LAMA1: variants seen among roughly 807,000 people sequenced by gnomAD.
LAMA1 encodes laminin subunit alpha 1, also known as laminin subunit alpha-1.
LAMA1 carries 219 observed loss-of-function variants against 348.7 expected under a neutral mutation model. That is an observed-to-expected ratio of 0.63 (90% CI 0.56 to 0.70). The LOEUF (loss-of-function observed/expected upper bound fraction) is 0.70, where lower values mean the gene tolerates loss of function less well. LAMA1 is among the 30% of genes least tolerant of loss of function. The pLI is 0.00. For missense variants in LAMA1, 3,744 were observed against 3,888.0 expected (o/e 0.96, Z 0.99); for synonymous variants, 1,487 against 1,491.0 (o/e 1.00, Z 0.06).
intron 9 of LAMA1, 42 bp from the exon 10 acceptor site, chr18:7,040,278 A>G (rs4798530): frequency 0.042 from 67,315 of 1,607,714 alleles, 2,308 homozygotes; most frequent in East Asian, 0.21. Context: ...TGAAGGCAAA[A>G]GAGGTTTAAA....
At chr18:7,097,757 G>A (rs2058268131) in intron 1 of LAMA1, among the ~76,000 whole-genome samples, 1 of 152,202 alleles carries the variant, frequency 6.6e-6, no homozygotes, top group South Asian at 2.1e-4. Context: ...GCAAAGGTGC[G>A]AAGGCAATTT....
At chr18:6,985,787 T>A in intron 37 of LAMA1, 144 bp from the exon 38 acceptor site, 2 of 667,282 alleles carry the variant, frequency 3.0e-6, no homozygotes, top group Non-Finnish European at 5.2e-6. Context: ...TGAGATGGAG[T>A]CTCATTCTGT....
Position 7,011,369 on chromosome 18 carries a change from G to A in LAMA1, c.3618C>T (p.Ala1206=). 2 of 1,611,972 alleles carry A rather than the reference G, an allele frequency of 1.2e-6. No individual in the cohort carries two copies. Among genetic ancestry groups the A allele is most frequent in the Non-Finnish European group, 8.5e-7 (1 of 1,179,308 alleles). Residue 1206 remains alanine (A), a synonymous_variant, in exon 25 of 63, where the codon GCC becomes GCT. Transcript: ENST00000389658. ...CTGCACGGATGTGCTGCCGGACGGTGGCGGCATCCAGCAGGAAGTCGGGGG... is the reference window on the plus strand; with the variant it reads ...CTGCACGGATGTGCTGCCGGACGGTAGCGGCATCCAGCAGGAAGTCGGGGG... ...YQAPDFLLDA[A]TVRQHIRAEP... is the part of the protein sequence containing the mutation.
intron 10 of LAMA1, among the ~76,000 whole-genome samples, chr18:7,039,861 T>C (rs1310532157): frequency 1.6e-4 from 24 of 152,140 alleles, no homozygotes; most frequent in Admixed American, 1.6e-3. Flanking sequence ...TATATCACCA[T>C]TACCAGAGGT....
chr18:6,973,625 A>AC (rs1410187211), intron 46 of LAMA1, among the ~76,000 whole-genome samples: 3 of 152,086 alleles, frequency 2.0e-5, no homozygotes, highest in Middle Eastern at 6.8e-3. Context: ...AAGAAAATGC[A>AC]CCCCCCACTT....
intron 40 of LAMA1, 89 bp from the exon 41 acceptor site, chr18:6,982,679 C>A (rs2057717503): frequency 9.5e-7 from 1 of 1,057,612 alleles, no homozygotes; most frequent in Non-Finnish European, 1.5e-6. Flanking sequence ...CAGAGTAGCC[C>A]CCAGACACAT....
intron 29 of LAMA1, among the ~76,000 whole-genome samples, chr18:7,005,636 C>T (rs950268372): frequency 1.3e-5 from 2 of 152,176 alleles, no homozygotes; most frequent in African/African-American, 4.8e-5. Context: ...GTAATCTCAG[C>T]TACTCAGGAG....
At chr18:6,949,785 A>T (rs563749908) in intron 58 of LAMA1, among the ~76,000 whole-genome samples, 2 of 152,336 alleles carry the variant, frequency 1.3e-5, no homozygotes, top group South Asian at 4.1e-4. Flanking sequence ...TTGCTCAGGG[A>T]CCAAAATCGC....
At chr18:6,946,802 AT>A (rs1241765842) in intron 61 of LAMA1, among the ~76,000 whole-genome samples, 1 of 152,180 alleles carries the variant, frequency 6.6e-6, no homozygotes, top group Non-Finnish European at 1.5e-5. Context: ...TGTACATTTC[AT>A]TGCAACTTCC....
intron 1 of LAMA1, among the ~76,000 whole-genome samples, chr18:7,086,740 C>T (rs1039050241): frequency 6.6e-6 from 1 of 152,170 alleles, no homozygotes; most frequent in Non-Finnish European, 1.5e-5. Context: ...ACCACACAGG[C>T]GCACGGGACC....
chr18:7,072,027 C>A (rs547712992), intron 3 of LAMA1, among the ~76,000 whole-genome samples: 5 of 152,278 alleles, frequency 3.3e-5, no homozygotes, highest in Middle Eastern at 3.4e-3. Context: ...GATCAATTAG[C>A]GATTGTTACA....
chr18:6,972,576 C>T (rs2057663049), intron 47 of LAMA1, among the ~76,000 whole-genome samples: 1 of 152,236 alleles, frequency 6.6e-6, no homozygotes, highest in South Asian at 2.1e-4. Flanking sequence ...TGAAGCATCA[C>T]CCTTTACTGT....
At chr18:6,974,562 T>C (rs545318907) in intron 46 of LAMA1, among the ~76,000 whole-genome samples, 5 of 150,738 alleles carry the variant, frequency 3.3e-5, no homozygotes, top group Admixed American at 3.3e-4. Context: ...GTTCAAGCAA[T>C]TCTCCTGCCT....
intron 1 of LAMA1, among the ~76,000 whole-genome samples, chr18:7,106,113 T>C (rs896817363): frequency 1.8e-4 from 27 of 152,024 alleles, no homozygotes; most frequent in African/African-American, 4.8e-5. Context: ...TATCAGAAAA[T>C]AGACATGAAA....
chr18:7,033,248 C>T (rs887648827), intron 14 of LAMA1, among the ~76,000 whole-genome samples, 153 bp from the exon 15 acceptor site: 5 of 152,102 alleles, frequency 3.3e-5, no homozygotes, highest in Admixed American at 6.5e-5. Flanking sequence ...GGGTGGATCA[C>T]GAGGTCAAGA....
chr18:6,961,758 G>C lies in LAMA1; in HGVS notation c.7454C>G (p.Pro2485Arg). Residue 2485 changes from proline to arginine, a missense_variant and splice_region_variant, in exon 53 of 63, where the codon CCC becomes CGC. Transcript: ENST00000389658. Reference sequence around the variant, plus strand: ...TTTCAGGAAGCTAACACTCCGGATGGGCTGGACACAGAGGAGATGGAACAG... The same window carrying C: ...TTTCAGGAAGCTAACACTCCGGATGCGCTGGACACAGAGGAGATGGAACAG... ...YGVRKGCLLEPIRSVSFLKGG... is the reference protein window; with the variant it reads ...YGVRKGCLLERIRSVSFLKGG... The C allele has an allele frequency of 6.2e-7, 1 of 1,614,116 alleles. No homozygotes were observed. Among genetic ancestry groups the C allele is most frequent in the Non-Finnish European group, 8.5e-7 (1 of 1,180,004 alleles).
At chr18:7,026,189 G>A (rs1037281485) in intron 16 of LAMA1, 83 bp from the exon 17 acceptor site, 17 of 1,509,864 alleles carry the variant, frequency 1.1e-5, no homozygotes, top group East Asian at 2.4e-5. Flanking sequence ...AAGTCCAAGC[G>A]GAAAAAAAAA....
chr18:7,057,902 C>T (rs1016937046), intron 3 of LAMA1, among the ~76,000 whole-genome samples: 1 of 151,770 alleles, frequency 6.6e-6, no homozygotes, highest in African/African-American at 2.4e-5. Flanking sequence ...TCAAGCGGTT[C>T]TCCTGCCTCA....
intron 1 of LAMA1, among the ~76,000 whole-genome samples, chr18:7,110,753 G>A (rs1329945156): frequency 1.3e-5 from 2 of 152,030 alleles, no homozygotes; most frequent in Non-Finnish European, 1.5e-5. Context: ...ACTGGGAGGC[G>A]GAGGTTGCAG....
Sources: allele counts gnomAD v4.1 joint callset (sites outside exome capture counted in the v4.1 genomes callset), GRCh38; gene constraint gnomAD v4.1.1; transcripts MANE v1.5; gene names NCBI Gene and HGNC (gene_info 2026-07-23, HGNC 2026-07-21).